Variants in BCAT1 observed in about 807,000 individuals in gnomAD.
BCAT1 encodes the protein branched chain amino acid transaminase 1.
In BCAT1, 48 loss-of-function variants were observed where a neutral mutation model predicts 52.4. The ratio of observed to expected loss-of-function variants is 0.92; its 90% CI spans 0.73 to 1.16. The LOEUF is 1.16. Among genes scored for constraint, BCAT1 ranks in the 50% most tolerant of loss-of-function variants. BCAT1 has a pLI of 0.00. For synonymous variants in BCAT1, 167 were observed against 161.3 expected, an observed-to-expected ratio of 1.04 and a Z score of -0.27; for missense variants, 451 against 457.1, an observed-to-expected ratio of 0.99 and a Z score of 0.12.
chr12:24,895,257 T>C (rs1270773837), intron 2 of BCAT1, among the ~76,000 whole-genome samples: 1 of 152,156 alleles, frequency 6.6e-6, no homozygotes, highest in African/African-American at 2.4e-5. Context: ...TGTGGAATGC[T>C]GACAAAAACA....
Position 24,812,387 on chromosome 12 carries a change from C to A in BCAT1, c.*5621G>T, listed in dbSNP as rs1314276907. The A allele has an allele frequency of 2.6e-5, 4 of 151,948 alleles. No individual in the cohort carries two copies. The highest frequency in any genetic ancestry group is 9.7e-5 in the African/African-American group (4 of 41,414). The allele number at this position is 151,948 out of a possible 1,614,324, so 9.4% of individuals were successfully genotyped here. ...TTTGGCCTCAAGAAGCTTCATGGAT[C>A]TTAGAATAAAATGGTTGAAGAAATG... On this transcript the variant is annotated 3_prime_UTR_variant, in exon 11 of 11. Transcript: ENST00000261192.
chr12:24,934,974 G>A (rs550993234), intron 1 of BCAT1, among the ~76,000 whole-genome samples: 1 of 152,310 alleles, frequency 6.6e-6, no homozygotes, highest in African/African-American at 2.4e-5. Context: ...TCTAGAAACA[G>A]GCTCCATAAC....
Position 24,949,012 on chromosome 12 carries a change from G to A in BCAT1, c.-80C>T. On this transcript the variant is annotated 5_prime_UTR_variant, in exon 1 of 11. Transcript: ENST00000261192. The stretch of plus-strand genomic sequence containing the variant: ...TCGTAGCCCCTGGCCGTGTGGACCG[G>A]GTCTGCGGCTGCAGAGCGCGGTCCC... 6.7e-7 allele frequency: 1 copy of A among 1,488,324 alleles called. No individual in the cohort carries two copies. The highest frequency in any genetic ancestry group is 9.2e-7 in the Non-Finnish European group (1 of 1,091,422). 92.2% of individuals were successfully genotyped at this position (1,488,324 alleles called of 1,614,324 possible).
chr12:24,909,277 T>G (rs1340993112), intron 1 of BCAT1, among the ~76,000 whole-genome samples: 1 of 152,126 alleles, frequency 6.6e-6, no homozygotes, highest in Non-Finnish European at 1.5e-5. Flanking sequence ...CAATGACAGA[T>G]GAGTATAATT....
chr12:24,914,279 C>T (rs1943373065), intron 1 of BCAT1, among the ~76,000 whole-genome samples: 1 of 152,030 alleles, frequency 6.6e-6, no homozygotes, highest in East Asian at 1.9e-4. Context: ...GACAGGGTTT[C>T]ACCATGTTGC....
chr12:24,927,219 A>G (rs1449752463), intron 1 of BCAT1, among the ~76,000 whole-genome samples: 7 of 152,116 alleles, frequency 4.6e-5, no homozygotes, highest in Admixed American at 1.3e-4. Flanking sequence ...GAGGTGGGAG[A>G]ATCACTTGAA....
At chr12:24,948,597 G>A (rs1468233950) in intron 1 of BCAT1, among the ~76,000 whole-genome samples, 1 of 152,128 alleles carries the variant, frequency 6.6e-6, no homozygotes, top group Non-Finnish European at 1.5e-5. Flanking sequence ...CCTGTGCATA[G>A]GAGAAACTGA....
At position 24,811,668 on chromosome 12, in the gene BCAT1, TC is replaced by T. The variant is rs1224977302; in HGVS notation, c.*6339del. 3 of 152,154 alleles carry T rather than the reference TC, an allele frequency of 2.0e-5. No individual in the cohort carries two copies. Among genetic ancestry groups the T allele is most frequent in the Admixed American group, 1.3e-4 (2 of 15,258 alleles). The allele number at this position is 152,154 out of a possible 1,614,324, so 9.4% of individuals were successfully genotyped here. ...TCCTTTTAACATAGCCTGCGGATGA[TC>T]TTTCACAAAAGCCAAGCCTCATTTA... is the stretch of plus-strand genomic sequence containing the variant. On this transcript the variant is annotated 3_prime_UTR_variant, in exon 11 of 11. Coordinates refer to ENST00000261192, the MANE Select transcript of BCAT1 (RefSeq NM_005504.7).
intron 1 of BCAT1, among the ~76,000 whole-genome samples, chr12:24,943,062 C>A: frequency 6.6e-6 from 1 of 152,212 alleles, no homozygotes; most frequent in Non-Finnish European, 1.5e-5. Context: ...ATAACTAAAC[C>A]ATTTCAGTCT....
intron 1 of BCAT1, among the ~76,000 whole-genome samples, chr12:24,910,735 T>C (rs1026325730): frequency 1.3e-5 from 2 of 152,224 alleles, no homozygotes; most frequent in East Asian, 1.9e-4. Flanking sequence ...CAAAATTGTG[T>C]CACCCACTAT....
At chr12:24,930,681 T>C (rs941569452) in intron 1 of BCAT1, among the ~76,000 whole-genome samples, 1 of 152,240 alleles carries the variant, frequency 6.6e-6, no homozygotes, top group African/African-American at 2.4e-5. Flanking sequence ...CTCTCCTTGC[T>C]TGGCTGACAA....
rs1476518221 is a variant in BCAT1, at chr12:24,818,145, G to T, written c.1120-96C>A. On this transcript the variant is annotated intron_variant, in intron 10 of 10. Coordinates refer to ENST00000261192, the MANE Select transcript of BCAT1 (RefSeq NM_005504.7). ...TAATACCGCCAAGGTTACACAAAAG[G>T]TTCGCTTCTGCTTTGAACAACATTT... 1.8e-5 allele frequency: 22 copies of T among 1,223,618 alleles called. No individual in the cohort carries two copies. The East Asian group carries it at 3.3e-4, about 18-fold the overall frequency. The allele number at this position is 1,223,618 out of a possible 1,614,324, so 75.8% of individuals were successfully genotyped here. A position where few individuals can be genotyped will look rare whatever the true frequency, so the allele number is the denominator to read the frequency against.
chr12:24,922,225 C>T (rs1429681445), intron 1 of BCAT1, among the ~76,000 whole-genome samples: 3 of 152,150 alleles, frequency 2.0e-5, no homozygotes, highest in Admixed American at 6.5e-5. Context: ...TATTGATAGA[C>T]GTGATCATAG....
chr12:24,876,640 A>T (rs1419787058), intron 5 of BCAT1, among the ~76,000 whole-genome samples: 1 of 152,248 alleles, frequency 6.6e-6, no homozygotes, highest in Non-Finnish European at 1.5e-5. Flanking sequence ...CTTTGAGATC[A>T]GTAACAATGT....
At chr12:24,839,436 C>T (rs1941106438) in intron 7 of BCAT1, among the ~76,000 whole-genome samples, 1 of 152,226 alleles carries the variant, frequency 6.6e-6, no homozygotes. Context: ...AACCACAAGG[C>T]CTGGGTCTTA....
At chr12:24,917,610 A>G (rs1565498379) in intron 1 of BCAT1, among the ~76,000 whole-genome samples, 1 of 149,282 alleles carries the variant, frequency 6.7e-6, no homozygotes, top group Non-Finnish European at 1.5e-5. Flanking sequence ...GGATTTGCAA[A>G]AGGCTTTTAG....
At chr12:24,910,406 TAAATAAATA>T (rs1943302887) in intron 1 of BCAT1, among the ~76,000 whole-genome samples, 2 of 151,100 alleles carry the variant, frequency 1.3e-5, no homozygotes, top group African/African-American at 2.4e-5. Context: ...AATAAATAAA[TAAATAAATA>T]AATAAATAAA....
rs1264683522 is a variant in BCAT1, at chr12:24,817,036, C to T, written c.*972G>A. 1 of 160,024 alleles carries T rather than the reference C, an allele frequency of 6.2e-6. No individual in the cohort carries two copies. The highest frequency in any genetic ancestry group is 1.4e-5 in the Non-Finnish European group (1 of 73,672). 9.9% of individuals were successfully genotyped at this position (160,024 alleles called of 1,614,324 possible). A position where few individuals can be genotyped will look rare whatever the true frequency, so the allele number is the denominator to read the frequency against. ...ATGGCCTGGGGGTTGGGGTCCCCTGCTCTAGGGATATATCTTCAATTCCAA... is the reference window on the plus strand; with the variant it reads ...ATGGCCTGGGGGTTGGGGTCCCCTGTTCTAGGGATATATCTTCAATTCCAA... On this transcript the variant is annotated 3_prime_UTR_variant, in exon 11 of 11. Transcript: ENST00000261192.
At chr12:24,869,998 G>GTA (rs754521689) in intron 5 of BCAT1, among the ~76,000 whole-genome samples, 12 of 140,966 alleles carry the variant, frequency 8.5e-5, no homozygotes, top group African/African-American at 2.7e-4. Flanking sequence ...GTGTGTGTGT[G>GTA]TATATATGTG....
Sources: allele counts gnomAD v4.1 joint callset (sites outside exome capture counted in the v4.1 genomes callset), GRCh38; gene constraint gnomAD v4.1.1; transcripts MANE v1.5; gene names NCBI Gene and HGNC (gene_info 2026-07-23, HGNC 2026-07-21).